The following RALYL variants were observed in gnomAD, a reference collection of about 807,000 sequenced individuals.
RALYL encodes the protein RALY RNA binding protein like, also known as RNA-binding Raly-like protein.
Under a neutral mutation model 35.1 loss-of-function variants are expected in RALYL, and 29 were observed. That is an observed-to-expected ratio of 0.83 (90% CI 0.61 to 1.13). The LOEUF is 1.13. RALYL is among the 50% of genes most tolerant of loss of function. RALYL has a pLI of 0.00. For synonymous variants in RALYL, 120 were observed against 127.6 expected (o/e 0.94, Z 0.40); for missense variants, 359 against 360.4 (o/e 1.00, Z 0.03).
intron 2 of RALYL, among the ~76,000 whole-genome samples, chr8:84,628,824 A>G (rs548226088): frequency 6.6e-6 from 1 of 152,194 alleles, no homozygotes; most frequent in African/African-American, 2.4e-5. Context: ...ATTTTTGTTT[A>G]TTAAAACCAA....
At chr8:84,419,101 C>T (rs1337730087) in intron 1 of RALYL, among the ~76,000 whole-genome samples, 3 of 152,170 alleles carry the variant, frequency 2.0e-5, no homozygotes, top group African/African-American at 4.8e-5. Context: ...TTGTGAGCAA[C>T]TCAGTTTCCC....
chr8:84,541,237 G>A (rs1295203427), intron 2 of RALYL, among the ~76,000 whole-genome samples: 1 of 151,536 alleles, frequency 6.6e-6, no homozygotes, highest in African/African-American at 2.4e-5. Context: ...CAGCATATAA[G>A]TCTGTAATTC....
chr8:84,612,775 C>G (rs988467312), intron 2 of RALYL, among the ~76,000 whole-genome samples: 2 of 151,456 alleles, frequency 1.3e-5, no homozygotes, highest in African/African-American at 2.4e-5. Context: ...TCTGAATAAA[C>G]TAGGTATAAA....
intron 2 of RALYL, among the ~76,000 whole-genome samples, chr8:84,545,660 T>G (rs1353706930): frequency 5.3e-5 from 8 of 152,182 alleles, no homozygotes. Flanking sequence ...TTTTAATACA[T>G]TCTTTTAAAT....
At chr8:84,811,122 G>A (rs1014420811) in intron 4 of RALYL, among the ~76,000 whole-genome samples, 8 of 151,254 alleles carry the variant, frequency 5.3e-5, no homozygotes, top group Non-Finnish European at 7.4e-5. Flanking sequence ...TGTGATTTAT[G>A]CTTTAAAGAG....
At chr8:84,655,459 A>G (rs76933210) in intron 2 of RALYL, among the ~76,000 whole-genome samples, 44,326 of 151,538 alleles carry the variant, frequency 0.29, 7,183 homozygotes, top group African/African-American at 0.43. Flanking sequence ...CTCCCAAGTA[A>G]TTGAGACTAC....
At chr8:84,422,572 A>T in intron 1 of RALYL, among the ~76,000 whole-genome samples, 2 of 91,736 alleles carry the variant, frequency 2.2e-5, no homozygotes, top group Admixed American at 1.2e-4. Context: ...GATTTTAGTT[A>T]TTTCTTGCCT....
At chr8:84,345,646 T>C (rs978606591) in intron 1 of RALYL, among the ~76,000 whole-genome samples, 1 of 152,060 alleles carries the variant, frequency 6.6e-6, no homozygotes, top group African/African-American at 2.4e-5. Context: ...CTCCCTCTCA[T>C]TTTCATTTCT....
chr8:84,524,529 G>A (rs2058727826), intron 1 of RALYL, among the ~76,000 whole-genome samples: 2 of 152,152 alleles, frequency 1.3e-5, no homozygotes, highest in Admixed American at 6.5e-5. Context: ...AAGTGTCTTA[G>A]TGACTCTATC....
intron 1 of RALYL, among the ~76,000 whole-genome samples, chr8:84,279,179 C>T (rs1231701619): frequency 6.6e-6 from 1 of 152,150 alleles, no homozygotes; most frequent in Non-Finnish European, 1.5e-5. Flanking sequence ...GTCATGAGAA[C>T]TTACTACCAC....
intron 2 of RALYL, among the ~76,000 whole-genome samples, chr8:84,571,546 C>G (rs374138984): frequency 6.6e-6 from 1 of 151,580 alleles, no homozygotes; most frequent in African/African-American, 2.4e-5. Flanking sequence ...TTTTGTTTAT[C>G]CTTTCAAAGA....
intron 2 of RALYL, among the ~76,000 whole-genome samples, chr8:84,755,199 C>T (rs571020928): frequency 2.6e-5 from 4 of 152,218 alleles, no homozygotes; most frequent in Admixed American, 6.5e-5. Context: ...GAAAATAATG[C>T]TGGTGTGGCC....
At chr8:84,275,565 C>A (rs1048593213) in intron 1 of RALYL, among the ~76,000 whole-genome samples, 8 of 152,074 alleles carry the variant, frequency 5.3e-5, no homozygotes, top group Admixed American at 4.6e-4. Context: ...ATCCACTGAT[C>A]ATTTTTCAAG....
chr8:84,851,148 G>A lies in RALYL; in HGVS notation c.413+1121G>A, dbSNP rs112810336. 3.0e-3 allele frequency among the ~76,000 whole-genome samples: 460 copies of A among 152,036 alleles called. 1 individual carries two copies. The highest frequency in any genetic ancestry group is 0.011 in the African/African-American group (444 of 41,462). ...ATTATTCAATTTTGCAAAATGCCACGTTTTGTCACTGAGAGATAAGGAAGC... is the reference window on the plus strand; with the variant it reads ...ATTATTCAATTTTGCAAAATGCCACATTTTGTCACTGAGAGATAAGGAAGC... On this transcript the variant is annotated intron_variant, in intron 5 of 8. Transcript: ENST00000521268.
At chr8:84,403,524 G>GTT (rs769845435) in intron 1 of RALYL, among the ~76,000 whole-genome samples, 3,531 of 39,354 alleles carry the variant, frequency 0.09, 1,121 homozygotes, top group Non-Finnish European at 0.12. Context: ...CTATATCTCT[G>GTT]TTTTTTTTTT....
At chr8:84,577,724 T>C (rs2135915036) in intron 2 of RALYL, among the ~76,000 whole-genome samples, 1 of 152,222 alleles carries the variant, frequency 6.6e-6, no homozygotes, top group African/African-American at 2.4e-5. Flanking sequence ...AAAATATAAA[T>C]TATATCTTAA....
chr8:84,892,003 T>C (rs1381003841), intron 8 of RALYL, among the ~76,000 whole-genome samples: 2 of 152,162 alleles, frequency 1.3e-5, no homozygotes, highest in Non-Finnish European at 2.9e-5. Flanking sequence ...GAAATAAGAA[T>C]TGGATCTGAA....
chr8:84,584,944 T>C (rs1811657545), intron 2 of RALYL, among the ~76,000 whole-genome samples: 1 of 152,206 alleles, frequency 6.6e-6, no homozygotes, highest in Non-Finnish European at 1.5e-5. Flanking sequence ...TTTTTATGAG[T>C]GGTTTGCCCT....
intron 1 of RALYL, among the ~76,000 whole-genome samples, chr8:84,270,588 A>C (rs1834115834): frequency 6.8e-6 from 1 of 147,128 alleles, no homozygotes; most frequent in Admixed American, 7.0e-5. Flanking sequence ...GTGTGTATGT[A>C]TGTATAATTT....
Sources: allele counts gnomAD v4.1 joint callset (sites outside exome capture counted in the v4.1 genomes callset), GRCh38; gene constraint gnomAD v4.1.1; transcripts MANE v1.5; gene names NCBI Gene and HGNC (gene_info 2026-07-23, HGNC 2026-07-21).